The following CLEC19A variants were observed in gnomAD, a reference collection of about 807,000 sequenced individuals.
The protein encoded by CLEC19A is C-type lectin domain containing 19A.
CLEC19A carries 21 observed loss-of-function variants against 26.1 expected under a neutral mutation model. The ratio of observed to expected loss-of-function variants is 0.80; its 90% CI spans 0.57 to 1.16. The LOEUF is 1.16. Ranked by LOEUF, CLEC19A falls within the 50% of genes most tolerant of loss-of-function variation. The probability of loss-of-function intolerance (pLI) is 0.00; values close to 1 mark genes in which losing one functional copy is unlikely to be tolerated. For synonymous variants in CLEC19A, 89 were observed against 88.6 expected (o/e 1.00, Z -0.03); for missense variants, 224 against 227.6 (o/e 0.98, Z 0.10).
intron 1 of CLEC19A, among the ~76,000 whole-genome samples, chr16:19,292,707 A>C (rs1897615365): frequency 6.6e-6 from 1 of 152,226 alleles, no homozygotes; most frequent in African/African-American, 2.4e-5. Context: ...ATCTTCCCTG[A>C]ATAAGTCACT....
Position 19,309,116 on chromosome 16 carries a change from C to G in CLEC19A, c.*33C>G, listed in dbSNP as rs765164416. ...TTGTCCTACTGGTGTGAGCTCAACT[C>G]TAGTATCATCTTGTAGCTGTAACCA... On this transcript the variant is annotated 3_prime_UTR_variant, in exon 5 of 5. Transcript: ENST00000636231. 1 of 1,450,528 alleles carries G rather than the reference C, an allele frequency of 6.9e-7. No homozygotes were observed. The highest frequency in any genetic ancestry group is 9.5e-7 in the Non-Finnish European group (1 of 1,057,484). 89.9% of individuals were successfully genotyped at this position (1,450,528 alleles called of 1,614,324 possible). A position where few individuals can be genotyped will look rare whatever the true frequency, so the allele number is the denominator to read the frequency against.
chr16:19,309,958 A>C lies in CLEC19A; in HGVS notation c.*875A>C, dbSNP rs1898036637. 6.6e-6 allele frequency: 1 copy of C among 152,146 alleles called. No homozygotes were observed. Among genetic ancestry groups the C allele is most frequent in the Non-Finnish European group, 1.5e-5 (1 of 68,030 alleles). 9.4% of individuals were successfully genotyped at this position (152,146 alleles called of 1,614,324 possible). A position where few individuals can be genotyped will look rare whatever the true frequency, so the allele number is the denominator to read the frequency against. On this transcript the variant is annotated 3_prime_UTR_variant, in exon 5 of 5. Transcript: ENST00000636231. ...TGCGCCTAGCCAAGAATACATCTTA[A>C]ATATTCCCGTCAACACATGGGCTCA...
intron 2 of CLEC19A, among the ~76,000 whole-genome samples, chr16:19,302,766 T>C (rs1169021011): frequency 2.0e-5 from 3 of 152,200 alleles, no homozygotes; most frequent in Non-Finnish European, 4.4e-5. Context: ...TCAGGCTCGT[T>C]GATATGGGCC....
Position 19,309,029 on chromosome 16 carries a change from C to T in CLEC19A, c.507C>T (p.Thr169=). The change falls in exon 5 of 5, where the codon ACC becomes ACT. Residue 169 remains threonine (T), a synonymous_variant. Coordinates refer to ENST00000636231, the MANE Select transcript of CLEC19A (RefSeq NM_001256720.2). ...CTCTGAGGTCATGGAATGATAACAC[C>T]TGCAGCCGGAAGTTCCCCTTTGTCT... ...TSALRSWNDN[T]CSRKFPFVCK... 1 of 1,548,372 alleles carries T rather than the reference C, an allele frequency of 6.5e-7. No individual in the cohort carries two copies. The highest frequency in any genetic ancestry group is 2.0e-5 in the Admixed American group (1 of 50,998).
rs528207124 is a variant in CLEC19A at position 19,293,593 on chromosome 16, G to C, written c.89-5080G>C. The stretch of plus-strand genomic sequence containing the variant: ...TCCTCCCACCTCAGCCTCCCAAGTA[G>C]CTGGGACTACAAGCACATGCCACCA... On this transcript the variant is annotated intron_variant, in intron 1 of 4. Transcript: ENST00000636231. 6.6e-5 allele frequency among the ~76,000 whole-genome samples: 10 copies of C among 152,036 alleles called. 1 individual carries two copies. The highest frequency in any genetic ancestry group is 2.2e-4 in the African/African-American group (9 of 41,476).
chr16:19,301,740 T>G (rs1175137281), intron 2 of CLEC19A, among the ~76,000 whole-genome samples: 1 of 94,832 alleles, frequency 1.1e-5, no homozygotes, highest in Non-Finnish European at 1.9e-5. Flanking sequence ...TTTTTGGTTT[T>G]TTTTTTTTTT....
intron 2 of CLEC19A, among the ~76,000 whole-genome samples, chr16:19,299,989 C>A (rs1451597223): frequency 6.6e-6 from 1 of 151,934 alleles, no homozygotes; most frequent in Admixed American, 6.6e-5. Context: ...TTTGGGAGGC[C>A]GAGGCAGGCA....
chr16:19,294,027 C>T (rs570481711), intron 1 of CLEC19A, among the ~76,000 whole-genome samples: 1 of 152,006 alleles, frequency 6.6e-6, no homozygotes, highest in South Asian at 2.1e-4. Context: ...TTTTTGTACC[C>T]ATTAACCACC....
At chr16:19,308,590 G>A (rs993528685) in intron 4 of CLEC19A, among the ~76,000 whole-genome samples, 1 of 152,212 alleles carries the variant, frequency 6.6e-6, no homozygotes, top group South Asian at 2.1e-4. Context: ...TCAGCAACTT[G>A]TTCAAGGTCA....
chr16:19,306,592 A>G (rs916838265), intron 3 of CLEC19A, among the ~76,000 whole-genome samples: 2 of 152,046 alleles, frequency 1.3e-5, no homozygotes, highest in African/African-American at 4.8e-5. Flanking sequence ...GTATTGAAAG[A>G]CCTAATAATA....
At chr16:19,293,551 C>G (rs895199630) in intron 1 of CLEC19A, among the ~76,000 whole-genome samples, 12 of 152,020 alleles carry the variant, frequency 7.9e-5, no homozygotes, top group Admixed American at 7.9e-4. Flanking sequence ...AAGTCTTGAC[C>G]TCTTGGTTTC....
intron 1 of CLEC19A, among the ~76,000 whole-genome samples, chr16:19,287,990 T>C (rs1897507949): frequency 6.6e-6 from 1 of 152,152 alleles, no homozygotes; most frequent in African/African-American, 2.4e-5. Context: ...CCCTACTCTA[T>C]AGATAAGGGG....
chr16:19,301,756 T>TTTTTTTTTTTTTG (rs1897837910), intron 2 of CLEC19A, among the ~76,000 whole-genome samples: 2 of 132,544 alleles, frequency 1.5e-5, no homozygotes, highest in East Asian at 2.2e-4. Context: ...TTTTTTTTTT[T>TTTTTTTTTTTTTG]TTTTTTTTGT....
chr16:19,291,582 G>A (rs987849664), intron 1 of CLEC19A, among the ~76,000 whole-genome samples: 2 of 152,202 alleles, frequency 1.3e-5, no homozygotes, highest in Non-Finnish European at 2.9e-5. Flanking sequence ...CAGAGTTGGC[G>A]CTGATTGTTG....
At chr16:19,285,968 G>A (rs982742477) in intron 1 of CLEC19A, 29 bp downstream of exon 1, 36 of 1,542,614 alleles carry the variant, frequency 2.3e-5, no homozygotes, top group Non-Finnish European at 3.0e-5. Flanking sequence ...GCTGGGAGCA[G>A]GTGGAGAGGA....
chr16:19,307,496 A>T, intron 3 of CLEC19A, 49 bp from the exon 4 acceptor site: 2 of 1,543,342 alleles, frequency 1.3e-6, no homozygotes, highest in South Asian at 2.4e-5. Flanking sequence ...CAAATGCCTG[A>T]TCTTCTTCTT....
intron 1 of CLEC19A, among the ~76,000 whole-genome samples, chr16:19,297,739 G>A (rs1385252114): frequency 6.6e-6 from 1 of 152,078 alleles, no homozygotes; most frequent in Non-Finnish European, 1.5e-5. Flanking sequence ...CTGGTATGTA[G>A]AGTACCATAT....
In CLEC19A at chr16:19,288,648, T is replaced by A. The variant is rs179201; in HGVS notation, c.88+2709T>A. On this transcript the variant is annotated intron_variant, in intron 1 of 4. Transcript: ENST00000636231. ...CTTTTCCCAAAACCTTTTCTCTGAA[T>A]CTGCCTTTGATCTCATTGTTTAAGT... 1.9e-4 allele frequency among the ~76,000 whole-genome samples: 29 copies of A among 152,094 alleles called. No individual in the cohort carries two copies. The South Asian group carries it at 5.8e-3, about 31-fold the overall frequency.
chr16:19,286,448 T>C (rs1325030194), intron 1 of CLEC19A, among the ~76,000 whole-genome samples: 2 of 152,174 alleles, frequency 1.3e-5, no homozygotes, highest in East Asian at 3.9e-4. Context: ...GTCCCTCTAA[T>C]GGCCTCCCTG....
Sources: gnomAD v4.1 joint callset for allele counts (sites outside exome capture counted in the v4.1 genomes callset) on GRCh38, gnomAD v4.1.1 for gene constraint, MANE v1.5 for transcripts, NCBI Gene and HGNC (gene_info 2026-07-23, HGNC 2026-07-21) for gene names.